Variants in TLL1 observed in about 807,000 individuals in gnomAD.
The protein encoded by TLL1 is tolloid like 1, also known as tolloid-like protein 1.
TLL1 carries 49 observed loss-of-function variants against 128.2 expected under a neutral mutation model. That is an observed-to-expected ratio of 0.38 (90% CI 0.30 to 0.48). TLL1 has a LOEUF of 0.48. Among genes scored for constraint, TLL1 ranks in the 20% least tolerant of loss-of-function variants. The pLI is 0.96. For synonymous variants in TLL1, 454 were observed against 418.8 expected (o/e 1.08, Z -1.03); for missense variants, 1,123 against 1,242.0 (o/e 0.90, Z 1.44).
intron 7 of TLL1, among the ~76,000 whole-genome samples, chr4:166,011,506 T>C (rs1335818196): frequency 6.6e-6 from 1 of 151,632 alleles, no homozygotes; most frequent in African/African-American, 2.4e-5. Flanking sequence ...ATTCGTTGAC[T>C]GGTTCTAACG....
chr4:165,940,938 C>T (rs1026868479), intron 1 of TLL1, among the ~76,000 whole-genome samples: 1 of 151,988 alleles, frequency 6.6e-6, no homozygotes, highest in African/African-American at 2.4e-5. Context: ...AAATGCCATA[C>T]ATTTGCTCAA....
At chr4:166,030,564 C>G (rs1052555520) in intron 9 of TLL1, 1 of 552,790 alleles carries the variant, frequency 1.8e-6, no homozygotes, top group Non-Finnish European at 3.2e-6. Context: ...GGTGTCATAG[C>G]CAAGAAATCA....
intron 12 of TLL1, 65 bp downstream of exon 12, chr4:166,043,484 A>G: frequency 6.2e-7 from 1 of 1,601,274 alleles, no homozygotes; most frequent in South Asian, 1.1e-5. Context: ...ATTTAAGAGA[A>G]TCCTCATTAA....
intron 18 of TLL1, 131 bp downstream of exon 18, chr4:166,078,161 C>A: frequency 7.2e-7 from 1 of 1,389,920 alleles, no homozygotes; most frequent in Non-Finnish European, 9.9e-7. Flanking sequence ...TTTTTTGTCT[C>A]ATGCTTTCCT....
intron 2 of TLL1, 105 bp downstream of exon 2, chr4:165,989,596 C>T (rs1186921005): frequency 1.2e-6 from 1 of 806,312 alleles, no homozygotes; most frequent in African/African-American, 1.7e-5. Context: ...TTGATCAACT[C>T]TGACTTCCTA....
intron 1 of TLL1, among the ~76,000 whole-genome samples, chr4:165,899,414 A>G (rs1731845990): frequency 6.6e-6 from 1 of 152,044 alleles, no homozygotes; most frequent in Admixed American, 6.5e-5. Flanking sequence ...AGATTCTGGT[A>G]TGTTGTTTCT....
chr4:166,033,884 C>A (rs192439213), intron 9 of TLL1, among the ~76,000 whole-genome samples: 14 of 152,260 alleles, frequency 9.2e-5, no homozygotes, highest in Admixed American at 7.2e-4. Flanking sequence ...TGAACAAGGG[C>A]AGATTGCTTA....
intron 1 of TLL1, among the ~76,000 whole-genome samples, chr4:165,969,050 ACTT>A (rs1735520624): frequency 6.6e-6 from 1 of 152,094 alleles, no homozygotes; most frequent in Non-Finnish European, 1.5e-5. Context: ...TATTTTGAAA[ACTT>A]CTTTCTCCCT....
intron 9 of TLL1, among the ~76,000 whole-genome samples, chr4:166,035,339 G>C (rs1347333421): frequency 2.0e-5 from 3 of 152,060 alleles, no homozygotes; most frequent in Non-Finnish European, 2.9e-5. Flanking sequence ...TATTTTTTCA[G>C]GGTTTATATT....
At position 166,003,580 on chromosome 4, in the gene TLL1, T is replaced by A; in HGVS notation, c.811+11T>A. 6.2e-7 allele frequency: 1 copy of A among 1,613,730 alleles called. No homozygotes were observed. The highest frequency in any genetic ancestry group is 8.5e-7 in the Non-Finnish European group (1 of 1,179,684). ...AAAACATCCAGCCAGGTGAGAGGCA[T>A]AGAATGTGTTGGGTTTAAGGCTGAC... On this transcript the variant is annotated intron_variant, in intron 6 of 20. Transcript: ENST00000061240.
intron 8 of TLL1, among the ~76,000 whole-genome samples, chr4:166,016,297 C>T (rs1465977887): frequency 6.6e-6 from 1 of 151,960 alleles, no homozygotes; most frequent in Non-Finnish European, 1.5e-5. Context: ...TGGGCATATA[C>T]TTTTCAACTT....
At chr4:166,036,341 G>A (rs1331828468) in intron 9 of TLL1, among the ~76,000 whole-genome samples, 1 of 152,088 alleles carries the variant, frequency 6.6e-6, no homozygotes, top group Non-Finnish European at 1.5e-5. Context: ...ACAGATCACA[G>A]GAAATCTTAA....
At chr4:165,908,807 G>A (rs1364347529) in intron 1 of TLL1, among the ~76,000 whole-genome samples, 2 of 152,100 alleles carry the variant, frequency 1.3e-5, no homozygotes, top group Non-Finnish European at 2.9e-5. Context: ...CATGGTTGTG[G>A]CACAGGCCAA....
At chr4:166,099,930 C>A (rs1560872097) in intron 20 of TLL1, among the ~76,000 whole-genome samples, 1 of 152,116 alleles carries the variant, frequency 6.6e-6, no homozygotes, top group African/African-American at 2.4e-5. Flanking sequence ...AATTCACATT[C>A]TCTTTTTAAC....
intron 1 of TLL1, among the ~76,000 whole-genome samples, chr4:165,938,080 T>C (rs112971312): frequency 2.6e-5 from 4 of 152,196 alleles, no homozygotes; most frequent in African/African-American, 9.6e-5. Context: ...GTACACCATG[T>C]GCTCTTTGGA....
At chr4:166,022,257 C>G (rs867132181) in intron 8 of TLL1, among the ~76,000 whole-genome samples, 1 of 151,698 alleles carries the variant, frequency 6.6e-6, no homozygotes. Flanking sequence ...CTCTGCCTCC[C>G]GGGTTCAAGC....
At chr4:165,965,470 A>G (rs757251032) in intron 1 of TLL1, among the ~76,000 whole-genome samples, 2 of 152,206 alleles carry the variant, frequency 1.3e-5, no homozygotes, top group Non-Finnish European at 2.9e-5. Context: ...TGGATTTTCT[A>G]TCAGAGTCTT....
At chr4:165,878,370 T>A (rs1226859606) in intron 1 of TLL1, among the ~76,000 whole-genome samples, 1 of 152,152 alleles carries the variant, frequency 6.6e-6, no homozygotes, top group East Asian at 1.9e-4. Context: ...TCTTGATTTT[T>A]TTTTTTCTCT....
Position 165,994,434 on chromosome 4 carries a change from C to A in TLL1, c.415C>A (p.Gln139Lys), listed in dbSNP as rs372099438. 6.2e-6 allele frequency: 10 copies of A among 1,613,848 alleles called. No individual in the cohort carries two copies. The highest frequency in any genetic ancestry group is 8.5e-6 in the Non-Finnish European group (10 of 1,179,908). ...AAAAGTACCTCTACAATTCTCAGGG[C>A]AAAATGAGAAAAATCGAGTTCCCAG... is the stretch of plus-strand genomic sequence containing the variant. ...KGKVPLQFSG[Q>K]NEKNRVPRAA... The change falls in exon 4 of 21, where the codon CAA becomes AAA. Residue 139 changes from glutamine to lysine, a missense_variant. Around this residue, in one of 3 missense-constraint regions of TLL1, gnomAD observed 480 missense variants for 542.4 expected, o/e 0.89. Coordinates refer to ENST00000061240, the MANE Select transcript of TLL1 (RefSeq NM_012464.5).
Sources: allele counts gnomAD v4.1 joint callset (sites outside exome capture counted in the v4.1 genomes callset), GRCh38; gene constraint gnomAD v4.1.1; regional missense constraint gnomAD v4.1.1; transcripts MANE v1.5; gene names NCBI Gene and HGNC (gene_info 2026-07-23, HGNC 2026-07-21).